The following ADAMTSL3 variants were observed in gnomAD, a reference collection of about 807,000 sequenced individuals.
ADAMTSL3 encodes ADAMTS like 3, also known as ADAMTS-like protein 3.
In ADAMTSL3, 128 loss-of-function variants were observed where a neutral mutation model predicts 201.7. The observed-to-expected ratio is 0.63, with a 90% confidence interval of 0.55 to 0.73. The LOEUF is 0.73. Among genes scored for constraint, ADAMTSL3 ranks in the 30% least tolerant of loss-of-function variants. The pLI is 0.00. For synonymous variants in ADAMTSL3, 738 were observed against 748.4 expected (o/e 0.99, Z 0.23); for missense variants, 1,990 against 2,119.6 (o/e 0.94, Z 1.20).
chr15:83,927,622 G>A (rs116619449), intron 17 of ADAMTSL3, among the ~76,000 whole-genome samples: 1 of 152,202 alleles, frequency 6.6e-6, no homozygotes, highest in East Asian at 1.9e-4. Flanking sequence ...ATGAATAAAG[G>A]CTCTTGTTTT....
intron 3 of ADAMTSL3, among the ~76,000 whole-genome samples, chr15:83,757,127 T>G (rs984290361): frequency 1.1e-4 from 17 of 152,206 alleles, no homozygotes; most frequent in Admixed American, 1.0e-3. Flanking sequence ...AAGGTGGCCC[T>G]CTTCTCACAG....
intron 15 of ADAMTSL3, among the ~76,000 whole-genome samples, chr15:83,909,539 G>C (rs1206455493): frequency 6.6e-6 from 1 of 152,150 alleles, no homozygotes; most frequent in Non-Finnish European, 1.5e-5. Flanking sequence ...TTGTGCTTCA[G>C]AAAATCAATT....
At chr15:83,659,528 T>C (rs2061135322) in intron 2 of ADAMTSL3, among the ~76,000 whole-genome samples, 1 of 152,182 alleles carries the variant, frequency 6.6e-6, no homozygotes, top group Non-Finnish European at 1.5e-5. Flanking sequence ...TAGATGCCCT[T>C]TGAGCTCCTG....
At chr15:83,863,273 A>G (rs950941422) in intron 8 of ADAMTSL3, among the ~76,000 whole-genome samples, 15 of 152,204 alleles carry the variant, frequency 9.9e-5, no homozygotes, top group African/African-American at 3.6e-4. Context: ...AGCAGACCTA[A>G]TAGACATCTA....
chr15:83,908,262 T>C (rs2065876000), intron 15 of ADAMTSL3, among the ~76,000 whole-genome samples: 2 of 152,234 alleles, frequency 1.3e-5, no homozygotes, highest in Admixed American at 6.5e-5. Context: ...TACTTGTCTG[T>C]ACCTCAGTTT....
At chr15:83,995,202 G>A (rs1167676339) in intron 23 of ADAMTSL3, among the ~76,000 whole-genome samples, 2 of 152,170 alleles carry the variant, frequency 1.3e-5, no homozygotes, top group Non-Finnish European at 2.9e-5. Context: ...AGGCTACCAG[G>A]AGCAGGGACA....
Position 83,977,238 on chromosome 15 carries a change from A to C in ADAMTSL3, c.2645-5035A>C, listed in dbSNP as rs192077723. On this transcript the variant is annotated intron_variant, in intron 20 of 29. Coordinates refer to ENST00000286744, the MANE Select transcript of ADAMTSL3 (RefSeq NM_207517.3). ...TGAGGTGGAACAGTTTCATCCCAAA[A>C]CCATCTAGCCCCCAATCCCCACCCC... Among the ~76,000 whole-genome samples, 44 of 152,194 alleles carry C rather than the reference A, an allele frequency of 2.9e-4. 1 individual carries two copies. The East Asian group carries it at 8.3e-3, about 29-fold the overall frequency.
intron 13 of ADAMTSL3, among the ~76,000 whole-genome samples, chr15:83,897,003 A>C (rs2065628231): frequency 1.3e-5 from 2 of 152,166 alleles, no homozygotes; most frequent in Admixed American, 1.3e-4. Context: ...TGAGACCAGC[A>C]TGGGGAAAAC....
intron 26 of ADAMTSL3, 92 bp from the exon 27 acceptor site, chr15:84,025,146 G>A: frequency 9.4e-7 from 1 of 1,062,502 alleles, no homozygotes. Context: ...AGATAGCCAT[G>A]GTGTTGGGAT....
chr15:83,910,343 G>A (rs963369349), intron 15 of ADAMTSL3, among the ~76,000 whole-genome samples: 4 of 151,066 alleles, frequency 2.6e-5, no homozygotes, highest in African/African-American at 7.3e-5. Context: ...AAAAAAATTG[G>A]TGAGGGGAGA....
At chr15:83,695,227 AATGTGTGTGTGTGTGTGTGTGTG>A (rs2061668058) in intron 2 of ADAMTSL3, among the ~76,000 whole-genome samples, 1 of 472 alleles carries the variant, frequency 2.1e-3, no homozygotes, top group African/African-American at 8.8e-3. Context: ...GTGTGTGTGT[AATGTGTGTGTGTGTGTGTGTGTG>A]TGTGTGTGTG....
intron 21 of ADAMTSL3, among the ~76,000 whole-genome samples, chr15:83,987,142 G>A (rs1596501916): frequency 6.6e-6 from 1 of 152,210 alleles, no homozygotes. Context: ...TGTAGTCACT[G>A]GTTAGACTTT....
At chr15:83,777,454 A>G (rs1295863723) in intron 4 of ADAMTSL3, among the ~76,000 whole-genome samples, 1 of 152,186 alleles carries the variant, frequency 6.6e-6, no homozygotes, top group Admixed American at 6.5e-5. Context: ...GTTGGGGCCC[A>G]ATACAAGTAC....
At chr15:83,967,146 C>T (rs1434037961) in intron 19 of ADAMTSL3, among the ~76,000 whole-genome samples, 1 of 152,194 alleles carries the variant, frequency 6.6e-6, no homozygotes, top group Admixed American at 6.5e-5. Flanking sequence ...TCTCACCACT[C>T]TTATTTAACA....
intron 6 of ADAMTSL3, among the ~76,000 whole-genome samples, chr15:83,829,601 T>G (rs1394950577): frequency 6.6e-6 from 1 of 152,214 alleles, no homozygotes; most frequent in African/African-American, 2.4e-5. Context: ...CTTCTCTAGT[T>G]CTTTTAATTG....
At chr15:83,826,113 A>T (rs566294910) in intron 6 of ADAMTSL3, among the ~76,000 whole-genome samples, 1 of 149,490 alleles carries the variant, frequency 6.7e-6, no homozygotes, top group South Asian at 2.1e-4. Context: ...TTAAGGATGT[A>T]TTTTTTTTTT....
intron 4 of ADAMTSL3, among the ~76,000 whole-genome samples, chr15:83,787,660 A>G (rs979704330): frequency 8.6e-5 from 13 of 152,008 alleles, no homozygotes; most frequent in African/African-American, 1.5e-4. Flanking sequence ...TAACAATTCT[A>G]TCTGATTCTC....
chr15:83,751,589 G>A (rs1218156717), intron 3 of ADAMTSL3, among the ~76,000 whole-genome samples: 1 of 152,172 alleles, frequency 6.6e-6, no homozygotes, highest in African/African-American at 2.4e-5. Flanking sequence ...TTCCAAGAAG[G>A]TGGGCAGCTG....
At chr15:83,741,850 T>C (rs913278020) in intron 3 of ADAMTSL3, among the ~76,000 whole-genome samples, 4 of 151,948 alleles carry the variant, frequency 2.6e-5, no homozygotes, top group Non-Finnish European at 5.9e-5. Flanking sequence ...AATCAAAAAT[T>C]AGCTAGACTA....
Sources: allele counts gnomAD v4.1 joint callset (sites outside exome capture counted in the v4.1 genomes callset), GRCh38; gene constraint gnomAD v4.1.1; transcripts MANE v1.5; gene names NCBI Gene and HGNC (gene_info 2026-07-23, HGNC 2026-07-21).